The following LRRTM4 variants were observed in gnomAD, a reference collection of about 807,000 sequenced individuals.
The protein encoded by LRRTM4 is leucine-rich repeat transmembrane neuronal protein 4.
A neutral mutation model predicts 47.6 loss-of-function variants in LRRTM4; 25 were observed. That is an observed-to-expected ratio of 0.53 (90% CI 0.38 to 0.73). LRRTM4 has a LOEUF of 0.73. Ranked by LOEUF, LRRTM4 falls within the 30% of genes least tolerant of loss-of-function variation. The pLI is 0.00. For missense variants in LRRTM4, 638 were observed against 713.4 expected, an observed-to-expected ratio of 0.89 and a Z score of 1.20; for synonymous variants, 311 against 269.5, an observed-to-expected ratio of 1.15 and a Z score of -1.51.
intron 3 of LRRTM4, among the ~76,000 whole-genome samples, chr2:77,418,469 T>C (rs925890178): frequency 2.0e-5 from 3 of 152,206 alleles, no homozygotes; most frequent in Non-Finnish European, 2.9e-5. Context: ...TGACTTATTT[T>C]GAATCACAGA....
chr2:77,503,692 G>GA lies in LRRTM4; in HGVS notation c.1551+14625dup, dbSNP rs34827946. 2.6e-3 allele frequency among the ~76,000 whole-genome samples: 392 copies of GA among 151,400 alleles called. 3 individuals carry two copies. Among genetic ancestry groups the GA allele is most frequent in the African/African-American group, 9.2e-3 (382 of 41,432 alleles). Reference sequence around the variant, plus strand: ...GAATACCACAAGGATGTAGCCATAAGAAAAACGTAAAACTCAGGTAGAGGA... The same window carrying GA: ...GAATACCACAAGGATGTAGCCATAAGAAAAAACGTAAAACTCAGGTAGAGGA... On this transcript the variant is annotated intron_variant, in intron 3 of 3. Transcript: ENST00000409884.
At chr2:76,940,671 T>A (rs547305577) in intron 3 of LRRTM4, among the ~76,000 whole-genome samples, 22 of 152,282 alleles carry the variant, frequency 1.4e-4, no homozygotes, top group Admixed American at 5.9e-4. Flanking sequence ...ATTTTGTTGT[T>A]GTTGTTCTGT....
chr2:77,428,098 T>C (rs961605607), intron 3 of LRRTM4, among the ~76,000 whole-genome samples: 1 of 152,220 alleles, frequency 6.6e-6, no homozygotes, highest in African/African-American at 2.4e-5. Flanking sequence ...TGCTTGACAC[T>C]TCTCCTTCCT....
intron 3 of LRRTM4, among the ~76,000 whole-genome samples, chr2:77,263,657 C>T (rs1675976336): frequency 6.6e-6 from 1 of 152,074 alleles, no homozygotes; most frequent in South Asian, 2.1e-4. Flanking sequence ...TGGAAGAAAA[C>T]AGTTTTTGTT....
intron 3 of LRRTM4, among the ~76,000 whole-genome samples, chr2:76,997,488 G>T (rs1228457529): frequency 6.6e-6 from 1 of 152,062 alleles, no homozygotes; most frequent in Non-Finnish European, 1.5e-5. Context: ...ACCCTAAAAT[G>T]GTGTGACAAA....
chr2:77,029,705 C>A (rs1055600097), intron 3 of LRRTM4, among the ~76,000 whole-genome samples: 1 of 152,020 alleles, frequency 6.6e-6, no homozygotes. Flanking sequence ...TATGGTGATG[C>A]GAATTTCTGA....
intron 3 of LRRTM4, among the ~76,000 whole-genome samples, chr2:76,912,067 C>T (rs1258548165): frequency 3.3e-5 from 5 of 151,834 alleles, no homozygotes; most frequent in African/African-American, 1.2e-4. Context: ...ACTATAGGCG[C>T]CCGCCACCAT....
intron 3 of LRRTM4, among the ~76,000 whole-genome samples, chr2:77,195,203 G>T (rs1311086115): frequency 2.6e-5 from 4 of 151,358 alleles, no homozygotes; most frequent in Admixed American, 1.3e-4. Flanking sequence ...ATTGGTGAGG[G>T]GAATTAAAAT....
intron 3 of LRRTM4, among the ~76,000 whole-genome samples, chr2:77,401,005 G>A (rs1261601555): frequency 1.3e-5 from 2 of 151,870 alleles, no homozygotes; most frequent in East Asian, 1.9e-4. Flanking sequence ...CATATTTTCC[G>A]TGCTACTTTT....
chr2:77,225,107 C>G (rs1022013531), intron 3 of LRRTM4, among the ~76,000 whole-genome samples: 1 of 149,962 alleles, frequency 6.7e-6, no homozygotes, highest in African/African-American at 2.5e-5. Context: ...AGCAAACTAT[C>G]ACAAGGACAA....
chr2:77,111,975 G>A (rs1460546930), intron 3 of LRRTM4, among the ~76,000 whole-genome samples: 2 of 152,160 alleles, frequency 1.3e-5, no homozygotes, highest in East Asian at 1.9e-4. Context: ...ATCGACTGGG[G>A]GTTGTGAAAA....
At chr2:77,469,797 C>T (rs1365632242) in intron 3 of LRRTM4, among the ~76,000 whole-genome samples, 2 of 151,850 alleles carry the variant, frequency 1.3e-5, no homozygotes, top group Non-Finnish European at 2.9e-5. Context: ...ATAATTTATA[C>T]ATATTCAAGG....
chr2:77,454,378 A>G (rs1249875882), intron 3 of LRRTM4, among the ~76,000 whole-genome samples: 1 of 152,152 alleles, frequency 6.6e-6, no homozygotes, highest in Non-Finnish European at 1.5e-5. Flanking sequence ...GCCACACCTA[A>G]TTCTACATAA....
intron 3 of LRRTM4, among the ~76,000 whole-genome samples, chr2:77,081,359 T>C (rs982242842): frequency 8.6e-5 from 13 of 151,818 alleles, no homozygotes; most frequent in Non-Finnish European, 1.8e-4. Flanking sequence ...ATTTCTATTA[T>C]AAAATGTACA....
intron 3 of LRRTM4, among the ~76,000 whole-genome samples, chr2:76,768,330 A>G (rs1673537786): frequency 6.6e-6 from 1 of 150,724 alleles, no homozygotes; most frequent in African/African-American, 2.5e-5. Flanking sequence ...CTTAATATCA[A>G]AAGCTTAGTC....
At chr2:77,517,710 AAAG>A in intron 3 of LRRTM4, 1 of 977,948 alleles carries the variant, frequency 1.0e-6, no homozygotes, top group Non-Finnish European at 1.2e-6. Flanking sequence ...AAAAAAAAAG[AAAG>A]AAGCCTTAGG....
At chr2:77,183,659 T>C (rs576960097) in intron 3 of LRRTM4, among the ~76,000 whole-genome samples, 3 of 152,252 alleles carry the variant, frequency 2.0e-5, no homozygotes, top group South Asian at 4.1e-4. Context: ...CTATTCACAA[T>C]AGCAAAGACT....
intron 3 of LRRTM4, among the ~76,000 whole-genome samples, chr2:77,487,072 GC>G (rs1175807527): frequency 6.6e-6 from 1 of 152,218 alleles, no homozygotes; most frequent in African/African-American, 2.4e-5. Context: ...GGCAGCAGCA[GC>G]CCATCTGGAG....
intron 3 of LRRTM4, among the ~76,000 whole-genome samples, chr2:76,899,464 T>C (rs1358514899): frequency 6.6e-6 from 1 of 151,976 alleles, no homozygotes; most frequent in Non-Finnish European, 1.5e-5. Context: ...TTAAGCTTTA[T>C]GGAGAAGGTG....
Sources: allele counts gnomAD v4.1 joint callset (sites outside exome capture counted in the v4.1 genomes callset), GRCh38; gene constraint gnomAD v4.1.1; transcripts MANE v1.5; gene names NCBI Gene and HGNC (gene_info 2026-07-23, HGNC 2026-07-21).